SLX4IP: variants seen among roughly 807,000 people sequenced by gnomAD.
SLX4IP encodes protein SLX4IP.
Under a neutral mutation model 32.9 loss-of-function variants are expected in SLX4IP, and 34 were observed. The observed-to-expected ratio is 1.03, with a 90% CI of 0.79 to 1.38. The LOEUF is 1.38. Ranked by LOEUF, SLX4IP falls within the 40% of genes most tolerant of loss-of-function variation. The probability of loss-of-function intolerance (pLI) is 0.00; values close to 1 mark genes in which losing one functional copy is unlikely to be tolerated. For synonymous variants in SLX4IP, 172 were observed against 171.7 expected (o/e 1.00, Z -0.01); for missense variants, 444 against 479.0 (o/e 0.93, Z 0.68).
chr20:10,537,968 A>T (rs562784971), intron 2 of SLX4IP, among the ~76,000 whole-genome samples: 1 of 152,326 alleles, frequency 6.6e-6, no homozygotes, highest in South Asian at 2.1e-4. Context: ...GTGATATAAG[A>T]ATGCTTTATA....
At chr20:10,602,503 C>T (rs1050352022) in intron 6 of SLX4IP, among the ~76,000 whole-genome samples, 14 of 152,150 alleles carry the variant, frequency 9.2e-5, no homozygotes, top group Non-Finnish European at 1.9e-4. Flanking sequence ...CCTTGTTGCA[C>T]GTGTGTGTGT....
intron 2 of SLX4IP, among the ~76,000 whole-genome samples, chr20:10,463,111 AC>A (rs1274327102): frequency 6.6e-6 from 1 of 152,166 alleles, no homozygotes; most frequent in East Asian, 1.9e-4. Context: ...GACCCTTAAT[AC>A]CCTCTTCGTT....
Position 10,623,541 on chromosome 20 carries a change from C to T in SLX4IP, c.*162C>T. ...TTATGGCTATGGTTTGTTTTCAAAG[C>T]ATTTCAAACCGGGAGGCTATATGCT... is the stretch of plus-strand genomic sequence containing the variant. On this transcript the variant is annotated 3_prime_UTR_variant, in exon 8 of 8. Transcript: ENST00000334534. 1 of 1,071,964 alleles carries T rather than the reference C, an allele frequency of 9.3e-7. No individual in the cohort carries two copies. Among genetic ancestry groups the T allele is most frequent in the Non-Finnish European group, 1.3e-6 (1 of 772,074 alleles). 66.4% of individuals were successfully genotyped at this position (1,071,964 alleles called of 1,614,324 possible).
At chr20:10,603,671 T>A (rs558478755) in intron 6 of SLX4IP, among the ~76,000 whole-genome samples, 113 of 152,276 alleles carry the variant, frequency 7.4e-4, no homozygotes, top group African/African-American at 2.6e-3. Context: ...CAGCCACATA[T>A]GTCAGCTAAA....
chr20:10,616,219 A>G (rs1382410171), intron 6 of SLX4IP, among the ~76,000 whole-genome samples: 1 of 151,824 alleles, frequency 6.6e-6, no homozygotes, highest in Non-Finnish European at 1.5e-5. Context: ...ATCAAATTAT[A>G]TTTCCATTCT....
chr20:10,515,079 C>CAT (rs1555810763), intron 2 of SLX4IP, among the ~76,000 whole-genome samples: 1 of 82,890 alleles, frequency 1.2e-5, no homozygotes, highest in African/African-American at 4.6e-5. Flanking sequence ...TAAGTTGAAG[C>CAT]TTTTTTTTTT....
At chr20:10,561,579 A>C (rs954144387) in intron 4 of SLX4IP, among the ~76,000 whole-genome samples, 2 of 143,810 alleles carry the variant, frequency 1.4e-5, no homozygotes. Context: ...GTAAGTTCTT[A>C]AGTGGTGATT....
At chr20:10,573,175 T>C (rs1292839508) in intron 4 of SLX4IP, among the ~76,000 whole-genome samples, 1 of 152,212 alleles carries the variant, frequency 6.6e-6, no homozygotes, top group African/African-American at 2.4e-5. Flanking sequence ...TTTGTATTTA[T>C]TTTCCCAGCC....
intron 6 of SLX4IP, among the ~76,000 whole-genome samples, chr20:10,616,896 C>G (rs914141563): frequency 6.6e-6 from 1 of 152,146 alleles, no homozygotes; most frequent in African/African-American, 2.4e-5. Context: ...AGGTCCTTTC[C>G]CTCAAGGGCC....
chr20:10,576,936 C>T (rs1025468280), intron 4 of SLX4IP, among the ~76,000 whole-genome samples: 4 of 152,024 alleles, frequency 2.6e-5, no homozygotes, highest in African/African-American at 7.2e-5. Context: ...TTCCTATTTG[C>T]GGTGTTTTTT....
At position 10,518,438 on chromosome 20, in the gene SLX4IP, TCTTCCTTC is replaced by T. The variant is rs796333618; in HGVS notation, c.28-37773_28-37766del. On this transcript the variant is annotated intron_variant, in intron 2 of 7. Coordinates refer to ENST00000334534, the MANE Select transcript of SLX4IP (RefSeq NM_001009608.3). ...TTCCTTCCTTCCCTCCCTCCCTCCTTCTTCCTTCCTTCCTTCCTTCCTTCCTTTCCTTT... is the reference window on the plus strand; with the variant it reads ...TTCCTTCCTTCCCTCCCTCCCTCCTTCTTCCTTCCTTCCTTCCTTTCCTTT... Among the ~76,000 whole-genome samples the T allele has an allele frequency of 5.9e-3, 401 of 67,764 alleles. 14 individuals are homozygous for T. Among genetic ancestry groups the T allele is most frequent in the African/African-American group, 0.019 (376 of 19,952 alleles). The allele number at this position is 67,764 out of a possible 152,430, so 44.5% of individuals were successfully genotyped here. A position where few individuals can be genotyped will look rare whatever the true frequency, so the allele number is the denominator to read the frequency against.
chr20:10,593,586 C>T (rs2066736645), intron 4 of SLX4IP, among the ~76,000 whole-genome samples: 1 of 151,994 alleles, frequency 6.6e-6, no homozygotes, highest in Non-Finnish European at 1.5e-5. Context: ...AATTTTAAAA[C>T]TTAGATGAGT....
intron 2 of SLX4IP, among the ~76,000 whole-genome samples, chr20:10,518,551 T>TTCC (rs2065878838): frequency 7.3e-6 from 1 of 137,218 alleles, no homozygotes; most frequent in African/African-American, 2.7e-5. Context: ...CCTTCCTTCC[T>TTCC]TTCCTTCTTT....
intron 1 of SLX4IP, among the ~76,000 whole-genome samples, chr20:10,455,602 T>C (rs959819126): frequency 1.3e-5 from 2 of 148,984 alleles, no homozygotes; most frequent in African/African-American, 2.5e-5. Flanking sequence ...TTTATTTATT[T>C]ATTTATTTAT....
intron 1 of SLX4IP, among the ~76,000 whole-genome samples, chr20:10,452,676 A>ATATATATATATATATATATAT (rs764822188): frequency 5.1e-5 from 5 of 97,968 alleles, no homozygotes; most frequent in Admixed American, 2.2e-4. Flanking sequence ...AAAAAAAAAA[A>ATATATATATATATATATATAT]AAAAATATAT....
At chr20:10,596,170 T>G (rs2066769089) in intron 4 of SLX4IP, among the ~76,000 whole-genome samples, 1 of 152,178 alleles carries the variant, frequency 6.6e-6, no homozygotes, top group Non-Finnish European at 1.5e-5. Context: ...ATACCAGGCT[T>G]CCTGGACTCA....
intron 5 of SLX4IP, 152 bp downstream of exon 5, chr20:10,598,904 C>T: frequency 1.4e-6 from 1 of 736,906 alleles, no homozygotes; most frequent in East Asian, 2.7e-5. Context: ...TCTTTCCTCC[C>T]ACCTTGTACT....
chr20:10,539,498 TAAAA>T (rs879928418), intron 2 of SLX4IP, among the ~76,000 whole-genome samples: 2 of 144,088 alleles, frequency 1.4e-5, no homozygotes, highest in African/African-American at 2.5e-5. Flanking sequence ...TTTGGTTTGT[TAAAA>T]AAAAAAAAGA....
At chr20:10,587,829 A>G (rs184342513) in intron 4 of SLX4IP, among the ~76,000 whole-genome samples, 7 of 152,170 alleles carry the variant, frequency 4.6e-5, no homozygotes, top group African/African-American at 1.7e-4. Flanking sequence ...TTTATCTTAT[A>G]CCATACACAA....
Sources: allele counts gnomAD v4.1 joint callset (sites outside exome capture counted in the v4.1 genomes callset), GRCh38; gene constraint gnomAD v4.1.1; transcripts MANE v1.5; gene names NCBI Gene and HGNC (gene_info 2026-07-23, HGNC 2026-07-21).